Variants in ZNF678 observed in about 807,000 individuals in gnomAD.
The protein encoded by ZNF678 is zinc finger protein 678.
ZNF678 carries 5 observed loss-of-function variants against 3.0 expected under a neutral mutation model. The ratio of observed to expected loss-of-function variants is 1.69; its 90% CI spans 0.88 to 3.56. The LOEUF (loss-of-function observed/expected upper bound fraction) is 3.56, where lower values mean the gene tolerates loss of function less well. Ranked by LOEUF, ZNF678 falls within the 30% of genes most tolerant of loss-of-function variation. The pLI is 0.00. For synonymous variants in ZNF678, 218 were observed against 199.6 expected (o/e 1.09, Z -0.78); for missense variants, 593 against 605.0 (o/e 0.98, Z 0.21).
intron 1 of ZNF678, among the ~76,000 whole-genome samples, chr1:227,621,560 T>TA (rs1415056505): frequency 6.6e-6 from 1 of 152,196 alleles, no homozygotes; most frequent in African/African-American, 2.4e-5. Flanking sequence ...GCAGAAAACT[T>TA]ATCTTTAGGT....
intron 2 of ZNF678, among the ~76,000 whole-genome samples, chr1:227,647,145 TAC>T (rs1658979996): frequency 6.6e-6 from 1 of 152,144 alleles, no homozygotes. Flanking sequence ...TAATCCCAGC[TAC>T]TTGGGAGGCT....
chr1:227,584,768 G>A (rs1313966246), intron 1 of ZNF678, among the ~76,000 whole-genome samples: 1 of 152,210 alleles, frequency 6.6e-6, no homozygotes, highest in Non-Finnish European at 1.5e-5. Flanking sequence ...AAACAAGGAT[G>A]AGGGGTATTC....
chr1:227,647,236 A>G (rs1276842951), intron 2 of ZNF678, among the ~76,000 whole-genome samples: 1 of 152,232 alleles, frequency 6.6e-6, no homozygotes, highest in Non-Finnish European at 1.5e-5. Flanking sequence ...CAGCTTGGGC[A>G]ACAAAAGCAA....
At chr1:227,620,070 A>G (rs772145502) in intron 1 of ZNF678, among the ~76,000 whole-genome samples, 3 of 152,204 alleles carry the variant, frequency 2.0e-5, no homozygotes, top group African/African-American at 4.8e-5. Flanking sequence ...GAGCATCTCC[A>G]TATGGTGAAA....
At chr1:227,622,990 C>G (rs1271368600) in intron 1 of ZNF678, among the ~76,000 whole-genome samples, 2 of 152,142 alleles carry the variant, frequency 1.3e-5, no homozygotes, top group Non-Finnish European at 2.9e-5. Flanking sequence ...TATGGTTCAC[C>G]CTATCTATGG....
downstream of ZNF678, among the ~76,000 whole-genome samples, chr1:227,663,265 A>AC (rs1279701109): frequency 6.6e-6 from 1 of 152,238 alleles, no homozygotes; most frequent in Non-Finnish European, 1.5e-5. Flanking sequence ...ATAGTTTGTT[A>AC]AGACACATAC....
intron 1 of ZNF678, among the ~76,000 whole-genome samples, chr1:227,641,527 C>A (rs778969524): frequency 1.1e-4 from 17 of 152,010 alleles, no homozygotes; most frequent in Non-Finnish European, 2.4e-4. Context: ...GAGAGTTTTT[C>A]TGGAGTTGAA....
rs1659411893 is a variant in ZNF678 at position 227,661,758 on chromosome 1, C to T, written c.*5930C>T. 6.6e-6 allele frequency: 1 copy of T among 152,174 alleles called. No homozygotes were observed. The highest frequency in any genetic ancestry group is 1.5e-5 in the Non-Finnish European group (1 of 68,064). The allele number at this position is 152,174 out of a possible 1,614,324, so 9.4% of individuals were successfully genotyped here. On this transcript the variant is annotated 3_prime_UTR_variant, in exon 4 of 4. Transcript: ENST00000343776. ...ACATTGAGCTTCTGAACAGCTACTC[C>T]AGAAACTATGGTGCTGTGGTGAAGT...
intron 1 of ZNF678, among the ~76,000 whole-genome samples, chr1:227,637,190 T>C (rs921748801): frequency 1.3e-5 from 2 of 152,174 alleles, no homozygotes; most frequent in African/African-American, 4.8e-5. Flanking sequence ...TGAACAGTGT[T>C]CACACAGAAG....
rs575884781 is a variant in ZNF678, at chr1:227,657,941, T to G, written c.*2113T>G. Reference sequence around the variant, plus strand: ...ATGCAAATCCTGTTTTTTTCTTGTCTGTTGATCATACTAAACCTAATGTAT... The same window carrying G: ...ATGCAAATCCTGTTTTTTTCTTGTCGGTTGATCATACTAAACCTAATGTAT... On this transcript the variant is annotated 3_prime_UTR_variant, in exon 4 of 4. Transcript: ENST00000343776. The G allele has an allele frequency of 1.4e-3, 212 of 152,136 alleles. 1 individual carries two copies. Among genetic ancestry groups the G allele is most frequent in the African/African-American group, 4.9e-3 (205 of 41,550 alleles). 9.4% of individuals were successfully genotyped at this position (152,136 alleles called of 1,614,324 possible).
chr1:227,615,646 G>A (rs1399632703), intron 1 of ZNF678, among the ~76,000 whole-genome samples: 2 of 152,182 alleles, frequency 1.3e-5, no homozygotes, highest in African/African-American at 4.8e-5. Flanking sequence ...TGTACTTACA[G>A]GTTTTTGTTT....
chr1:227,644,540 A>G (rs534806319), intron 1 of ZNF678, among the ~76,000 whole-genome samples: 42 of 151,716 alleles, frequency 2.8e-4, no homozygotes, highest in African/African-American at 1.0e-3. Context: ...GTGTAAAGGG[A>G]CTCTGTTTGT....
intron 1 of ZNF678, among the ~76,000 whole-genome samples, chr1:227,644,374 A>G (rs1432522422): frequency 6.6e-6 from 1 of 152,292 alleles, no homozygotes; most frequent in Non-Finnish European, 1.5e-5. Context: ...ACATGGCATT[A>G]ATGTTTGTGC....
chr1:227,619,844 A>G (rs997446893), intron 1 of ZNF678, among the ~76,000 whole-genome samples: 2 of 152,200 alleles, frequency 1.3e-5, no homozygotes, highest in Non-Finnish European at 1.5e-5. Flanking sequence ...GTTGGATATA[A>G]ATAACTCCCA....
chr1:227,570,903 TAA>T (rs1656823155), intron 1 of ZNF678, among the ~76,000 whole-genome samples: 1 of 152,178 alleles, frequency 6.6e-6, no homozygotes, highest in Admixed American at 6.5e-5. Context: ...CCTGTAAGAT[TAA>T]GTTTAGTGCA....
At chr1:227,633,345 C>T (rs2093610) in intron 1 of ZNF678, among the ~76,000 whole-genome samples, 73,106 of 152,012 alleles carry the variant, frequency 0.48, 18,754 homozygotes, top group African/African-American at 0.67. Context: ...AATCATTGTC[C>T]CTCTCCCTGT....
intron 5 of ZNF678, among the ~76,000 whole-genome samples, chr1:227,672,834 A>G (rs1237511151): frequency 6.6e-6 from 1 of 152,056 alleles, no homozygotes; most frequent in Non-Finnish European, 1.5e-5. Context: ...TGGGACAAAA[A>G]CCCCTGCCCA....
Position 227,603,327 on chromosome 1 carries a change from G to A in ZNF678, c.-164+39603G>A, listed in dbSNP as rs189737928. On this transcript the variant is annotated intron_variant, in intron 1 of 3. Coordinates refer to ENST00000343776, the MANE Select transcript of ZNF678 (RefSeq NM_001367909.1). ...GCTACTTTCTGTTGCCAGGTTGGGG[G>A]AAGTGCTAGGTGGTTCGCCTTTATT... 1.6e-3 allele frequency among the ~76,000 whole-genome samples: 240 copies of A among 152,310 alleles called. 3 individuals carry two copies. The highest frequency in any genetic ancestry group is 8.0e-3 in the Admixed American group (122 of 15,298).
At chr1:227,566,596 G>C (rs1031497196) in intron 1 of ZNF678, among the ~76,000 whole-genome samples, 2 of 152,132 alleles carry the variant, frequency 1.3e-5, no homozygotes, top group African/African-American at 2.4e-5. Context: ...CGCTTGAGTC[G>C]GATGTGTCTG....
Sources: allele counts gnomAD v4.1 joint callset (sites outside exome capture counted in the v4.1 genomes callset), GRCh38; gene constraint gnomAD v4.1.1; transcripts MANE v1.5; gene names NCBI Gene and HGNC (gene_info 2026-07-23, HGNC 2026-07-21).